The following NTF4 variants were observed in gnomAD, a reference collection of about 807,000 sequenced individuals.
NTF4 encodes the protein neurotrophin 4, also known as neurotrophin-4.
Under a neutral mutation model 4.4 loss-of-function variants are expected in NTF4, and 2 were observed. The observed-to-expected ratio is 0.46, with a 90% CI of 0.19 to 1.44. The LOEUF is 1.44. NTF4 is among the 40% of genes most tolerant of loss of function. NTF4 has a pLI of 0.26. For missense variants in NTF4, 260 were observed against 293.0 expected (o/e 0.89, Z 0.82); for synonymous variants, 127 against 122.0 (o/e 1.04, Z -0.27).
downstream of NTF4, among the ~76,000 whole-genome samples, chr19:49,060,034 C>A (rs1189878981): frequency 9.6e-4 from 22 of 22,872 alleles, no homozygotes; most frequent in African/African-American, 5.2e-3. Context: ...GAGACTCCAT[C>A]TCAAAAAAAA....
In NTF4 at chr19:49,061,967, TG is replaced by T; in HGVS notation, c.30del (p.Ile11SerfsTer36). The T allele has an allele frequency of 2.7e-6, 4 of 1,482,930 alleles. No individual in the cohort carries two copies. Among genetic ancestry groups the T allele is most frequent in the Non-Finnish European group, 3.6e-6 (4 of 1,106,158 alleles). 91.9% of individuals were successfully genotyped at this position (1,482,930 alleles called of 1,614,324 possible). On this transcript the variant is annotated frameshift_variant, in exon 1 of 1. Transcript: ENST00000593537. LOFTEE classifies it low-confidence loss of function (END_TRUNC). The surrounding 1 kb of genome is among the most constrained non-coding windows in gnomAD (Gnocchi z 4.9). ...CTGGGGAGGAGGAAAAGGAGGAGGA[TG>T]GGGAGGGAGCATGAGGGGAGAGGGA...
upstream of NTF4, among the ~76,000 whole-genome samples, chr19:49,062,579 G>T (rs902609941): frequency 2.0e-4 from 30 of 152,112 alleles, no homozygotes; most frequent in African/African-American, 7.2e-4. Context: ...GAGGTGAGGA[G>T]TTCCAGACCA....
downstream of NTF4, chr19:49,058,583 C>T (rs1481904411): frequency 6.3e-6 from 3 of 478,528 alleles, no homozygotes; most frequent in African/African-American, 4.0e-5. Flanking sequence ...CCCCAGGCCC[C>T]GCAGGGCTTC....
chr19:49,059,786 G>A (rs1011354797), downstream of NTF4, among the ~76,000 whole-genome samples: 3 of 152,066 alleles, frequency 2.0e-5, no homozygotes, highest in South Asian at 2.1e-4. Flanking sequence ...AGTGGCTCAT[G>A]CCCGTAATCC....
rs1258748727 is a variant in NTF4 at position 49,061,654 on chromosome 19, C to G, written c.344G>C (p.Gly115Ala). 2 of 1,613,654 alleles carry G rather than the reference C, an allele frequency of 1.2e-6. No individual in the cohort carries two copies. The highest frequency in any genetic ancestry group is 1.7e-6 in the Non-Finnish European group (2 of 1,179,962). ...CTCGCCCAACACCTCCACCTCGCGCCCACGCAAGTCCACAGCGGTCCGGCG... is the reference window on the plus strand; with the variant it reads ...CTCGCCCAACACCTCCACCTCGCGCGCACGCAAGTCCACAGCGGTCCGGCG... The change falls in exon 1 of 1, where the codon GGG (glycine) becomes GCG (alanine). Residue 115 changes from glycine (G) to alanine (A), a missense_variant. Gly to Ala is a moderately conservative substitution (Grantham distance 60). Transcript: ENST00000593537. The surrounding 1 kb of genome is among the most constrained non-coding windows in gnomAD (Gnocchi z 4.9).
Position 49,061,946 on chromosome 19 carries a change from G to A in NTF4, c.52C>T (p.Pro18Ser), listed in dbSNP as rs750067484. 10 of 1,511,660 alleles carry A rather than the reference G, an allele frequency of 6.6e-6. No individual in the cohort carries two copies. The South Asian group carries it at 1.2e-4, about 19-fold the overall frequency. The allele number at this position is 1,511,660 out of a possible 1,614,324, so 93.6% of individuals were successfully genotyped here. The stretch of plus-strand genomic sequence containing the variant: ...GGTTGGGACTCAATTGGCACACTGG[G>A]GAGGAGGAAAAGGAGGAGGATGGGG... The change falls in exon 1 of 1, where the codon CCC becomes TCC. Residue 18 changes from proline (P) to serine (S), a missense_variant. Coordinates refer to ENST00000593537, the Ensembl canonical transcript of NTF4. The surrounding 1 kb of genome is among the most constrained non-coding windows in gnomAD (Gnocchi z 4.9).
upstream of NTF4, chr19:49,062,151 T>C (rs531838925): frequency 2.3e-6 from 2 of 879,272 alleles, no homozygotes; most frequent in African/African-American, 3.4e-5. Flanking sequence ...ACCCTATATC[T>C]AGGGCTTGCG....
chr19:49,062,868 C>T (rs1033454857), upstream of NTF4, among the ~76,000 whole-genome samples: 3 of 152,118 alleles, frequency 2.0e-5, no homozygotes, highest in African/African-American at 7.2e-5. Context: ...AATACAGGCT[C>T]AGAGAAGTTA....
At chr19:49,058,701 G>T, downstream of NTF4, 2 of 226,926 alleles carry the variant, frequency 8.8e-6, no homozygotes, top group Middle Eastern at 1.4e-3. Context: ...CAGGATTCAG[G>T]CATCTCGGTT....
At chr19:49,063,012 AT>A (rs34534089), upstream of NTF4, among the ~76,000 whole-genome samples, 46 of 147,138 alleles carry the variant, frequency 3.1e-4, no homozygotes, top group African/African-American at 4.2e-4. Flanking sequence ...GTTCCAAACA[AT>A]TTTTTTTTTT....
upstream of NTF4, among the ~76,000 whole-genome samples, chr19:49,062,966 ACT>A (rs2040171305): frequency 6.6e-6 from 1 of 151,914 alleles, no homozygotes; most frequent in African/African-American, 2.4e-5. Flanking sequence ...TTCCTGTGCA[ACT>A]CTGAGGAACC....
chr19:49,062,117 G>T (rs899785190), upstream of NTF4: 10 of 1,288,230 alleles, frequency 7.8e-6, no homozygotes, highest in Non-Finnish European at 1.0e-5. Flanking sequence ...TTGTGGGGAA[G>T]CCCTTGTTCT....
In NTF4 at chr19:49,061,768, C is replaced by A; in HGVS notation, c.230G>T (p.Arg77Leu). The change falls in exon 1 of 1, where the codon CGC becomes CTC. Residue 77 changes from arginine (R) to leucine (L), a missense_variant. Physicochemically the swap from Arg to Leu is moderately radical, Grantham distance 102. Coordinates refer to ENST00000593537, the Ensembl canonical transcript of NTF4. The surrounding 1 kb of genome is among the most constrained non-coding windows in gnomAD (Gnocchi z 4.9). ...AGTTTCGCTCACCCCACGCCGGCTG[C>A]GGTTGGCCGGGGCACCTGCTGACTC... 1 of 1,578,480 alleles carries A rather than the reference C, an allele frequency of 6.3e-7. No individual in the cohort carries two copies.
At position 49,061,867 on chromosome 19, in the gene NTF4, G is replaced by T; in HGVS notation, c.131C>A (p.Pro44His). ...GGCACCCCTAGACAGGACTACTCGGGGGGAGAGAAGGTCCCACTCAGGGGC... is the reference window on the plus strand; with the variant it reads ...GGCACCCCTAGACAGGACTACTCGGTGGGAGAGAAGGTCCCACTCAGGGGC... The change falls in exon 1 of 1, where the codon CCC (proline) becomes CAC (histidine). Residue 44 changes from proline to histidine, a missense_variant. Coordinates refer to ENST00000593537, the Ensembl canonical transcript of NTF4. The surrounding 1 kb of genome is among the most constrained non-coding windows in gnomAD (Gnocchi z 4.9). The T allele has an allele frequency of 6.5e-7, 1 of 1,543,522 alleles. No homozygotes were observed. The highest frequency in any genetic ancestry group is 8.8e-7 in the Non-Finnish European group (1 of 1,141,022).
At position 49,061,393 on chromosome 19, in the gene NTF4, G is replaced by A. The variant is rs373152998; in HGVS notation, c.605C>T (p.Thr202Ile). 1.2e-6 allele frequency: 2 copies of A among 1,612,918 alleles called. No homozygotes were observed. Among genetic ancestry groups the A allele is most frequent in the South Asian group, 1.1e-5 (1 of 91,030 alleles). ...GGCCCGGCCAGTCCGGCTGAGGAGT[G>A]TGCAGACGCAGGCAGTGTCAATTCG... Residue 202 changes from threonine to isoleucine, a missense_variant, in exon 1 of 1, where the codon ACA becomes ATA. Thr to Ile is a moderately conservative substitution (Grantham distance 89). Transcript: ENST00000593537. The surrounding 1 kb of genome is among the most constrained non-coding windows in gnomAD (Gnocchi z 4.9).
At chr19:49,060,014 G>A (rs2040113331), downstream of NTF4, among the ~76,000 whole-genome samples, 2 of 124,546 alleles carry the variant, frequency 1.6e-5, no homozygotes, top group Admixed American at 1.9e-4. Flanking sequence ...TCCAGCCTGG[G>A]TGACAGAGCG....
chr19:49,058,541 A>C, downstream of NTF4: 1 of 503,130 alleles, frequency 2.0e-6, no homozygotes, highest in Non-Finnish European at 3.5e-6. Context: ...CAAGCTCCCA[A>C]TCCCCTTTTC....
chr19:49,062,579 G>A (rs902609941), upstream of NTF4, among the ~76,000 whole-genome samples: 1 of 152,112 alleles, frequency 6.6e-6, no homozygotes, highest in Non-Finnish European at 1.5e-5. Flanking sequence ...GAGGTGAGGA[G>A]TTCCAGACCA....
upstream of NTF4, among the ~76,000 whole-genome samples, chr19:49,062,371 C>G (rs893073600): frequency 1.3e-4 from 20 of 152,252 alleles, no homozygotes; most frequent in Non-Finnish European, 2.4e-4. Flanking sequence ...GCCTGTAATC[C>G]CAGCTACTCA....
Sources: allele counts gnomAD v4.1 joint callset (sites outside exome capture counted in the v4.1 genomes callset), GRCh38; gene constraint gnomAD v4.1.1; non-coding constraint Gnocchi (gnomAD v3.1); transcripts MANE v1.5; gene names NCBI Gene and HGNC (gene_info 2026-07-23, HGNC 2026-07-21).